EDARADD: variants seen among roughly 807,000 people sequenced by gnomAD.
The protein encoded by EDARADD is EDAR associated via death domain.
A neutral mutation model predicts 25.6 loss-of-function variants in EDARADD; 20 were observed. That is an observed-to-expected ratio of 0.78 (90% confidence interval 0.55 to 1.14). The LOEUF (loss-of-function observed/expected upper bound fraction) is 1.14. Among genes scored for constraint, EDARADD ranks in the 50% most tolerant of loss-of-function variants. EDARADD has a pLI of 0.00. For missense variants in EDARADD, 225 were observed against 270.1 expected (o/e 0.83, Z 1.17); for synonymous variants, 86 against 94.4 (o/e 0.91, Z 0.52).
At chr1:236,466,054 A>C (rs2103034361) in intron 4 of EDARADD, among the ~76,000 whole-genome samples, 1 of 152,318 alleles carries the variant, frequency 6.6e-6, no homozygotes, top group Middle Eastern at 3.4e-3. Flanking sequence ...AGTCAGGTTC[A>C]TGTTTTAGCA....
At position 236,398,564 on chromosome 1, in the gene EDARADD, C is replaced by T. The variant is rs1041872488; in HGVS notation, c.61+4059C>T. ...TTGCCTCACCTGACACCTAGCTTGA[C>T]CCCTGCTCTCTGCACGCAGCCGTGC... On this transcript the variant is annotated intron_variant, in intron 1 of 5. Transcript: ENST00000334232. This position sits in a 1 kb window ranked among gnomAD's most constrained non-coding sequence, Gnocchi z 4.1. Among the ~76,000 whole-genome samples, 2 of 152,218 alleles carry T rather than the reference C, an allele frequency of 1.3e-5. No homozygotes were observed. The highest frequency in any genetic ancestry group is 4.8e-5 in the African/African-American group (2 of 41,462).
intron 4 of EDARADD, among the ~76,000 whole-genome samples, chr1:236,432,408 T>C (rs1366587672): frequency 1.4e-5 from 2 of 139,684 alleles, no homozygotes; most frequent in Admixed American, 7.1e-5. Flanking sequence ...AAAAAAAAAA[T>C]TGGGTTCCAG....
intron 3 of EDARADD, among the ~76,000 whole-genome samples, chr1:236,366,057 C>G (rs1399442567): frequency 3.9e-5 from 6 of 152,130 alleles, no homozygotes; most frequent in African/African-American, 1.2e-4. Flanking sequence ...CTAAATGTAA[C>G]AGATATAACG....
At chr1:236,469,075 A>G (rs1366134489) in intron 5 of EDARADD, among the ~76,000 whole-genome samples, 1 of 152,076 alleles carries the variant, frequency 6.6e-6, no homozygotes, top group Non-Finnish European at 1.5e-5. Context: ...ATTAAAGTTC[A>G]TTTCTCCCCG....
intron 3 of EDARADD, among the ~76,000 whole-genome samples, chr1:236,422,749 C>T (rs533765159): frequency 2.2e-4 from 33 of 152,310 alleles, no homozygotes; most frequent in African/African-American, 7.5e-4. Flanking sequence ...GCACTATGGG[C>T]TCTGGTGAGG....
At chr1:236,366,067 G>T in intron 3 of EDARADD, among the ~76,000 whole-genome samples, 1 of 152,104 alleles carries the variant, frequency 6.6e-6, no homozygotes, top group South Asian at 2.1e-4. Flanking sequence ...CAGATATAAC[G>T]CTAACATCGG....
chr1:236,351,708 CAAAA>C (rs35576705), intron 3 of EDARADD, among the ~76,000 whole-genome samples: 7 of 123,360 alleles, frequency 5.7e-5, no homozygotes, highest in Non-Finnish European at 8.7e-5. Context: ...GACTCTGTCT[CAAAA>C]AAAAAAAAAA....
chr1:236,383,928 G>C (rs1230830756), intron 3 of EDARADD, among the ~76,000 whole-genome samples: 1 of 152,102 alleles, frequency 6.6e-6, no homozygotes, highest in South Asian at 2.1e-4. Flanking sequence ...CTTGAGCCCC[G>C]GTAGGTCGAG....
chr1:236,433,118 T>G (rs1459024586), intron 4 of EDARADD, among the ~76,000 whole-genome samples: 1 of 152,022 alleles, frequency 6.6e-6, no homozygotes, highest in Admixed American at 6.6e-5. Flanking sequence ...GATTCTAAAA[T>G]AAAAGCGTTA....
chr1:236,480,485 C>G (rs1659641577), intron 5 of EDARADD, among the ~76,000 whole-genome samples: 1 of 152,024 alleles, frequency 6.6e-6, no homozygotes, highest in East Asian at 1.9e-4. Flanking sequence ...GTTTTATTAC[C>G]TTTTAATTTC....
intron 3 of EDARADD, among the ~76,000 whole-genome samples, chr1:236,418,431 A>C (rs1395686929): frequency 6.7e-6 from 1 of 150,340 alleles, no homozygotes; most frequent in Non-Finnish European, 1.5e-5. Context: ...TTTTAGTAGA[A>C]ATGGGGTTTC....
At chr1:236,452,869 G>A (rs1268509601) in intron 4 of EDARADD, among the ~76,000 whole-genome samples, 1 of 152,086 alleles carries the variant, frequency 6.6e-6, no homozygotes, top group African/African-American at 2.4e-5. Context: ...TCCTCCTATA[G>A]GATGTCCCAT....
chr1:236,419,659 G>T (rs1657729950), intron 3 of EDARADD, among the ~76,000 whole-genome samples: 1 of 152,152 alleles, frequency 6.6e-6, no homozygotes, highest in Admixed American at 6.5e-5. Context: ...TGACTGACAG[G>T]CAGGAGAGCT....
upstream of EDARADD, among the ~76,000 whole-genome samples, chr1:236,389,732 G>A (rs1268674942): frequency 6.6e-6 from 1 of 152,268 alleles, no homozygotes; most frequent in African/African-American, 2.4e-5. Flanking sequence ...ACTAGGCATG[G>A]TGGCCCACAC....
At chr1:236,427,084 G>T (rs1364432846) in intron 3 of EDARADD, among the ~76,000 whole-genome samples, 1 of 152,136 alleles carries the variant, frequency 6.6e-6, no homozygotes, top group Non-Finnish European at 1.5e-5. Flanking sequence ...GTTTCTCCAT[G>T]TTGGTCAGGC....
rs146504786 is a variant in EDARADD at position 236,419,301 on chromosome 1, G to A, written c.160+5002G>A. 6.4e-3 allele frequency among the ~76,000 whole-genome samples: 971 copies of A among 152,262 alleles called. 9 individuals carry two copies. The highest frequency in any genetic ancestry group is 0.011 in the Non-Finnish European group (777 of 68,014). On this transcript the variant is annotated intron_variant, in intron 3 of 5. Coordinates refer to ENST00000334232, the MANE Select transcript of EDARADD (RefSeq NM_145861.4). The stretch of plus-strand genomic sequence containing the variant: ...CCCAGCTACGTGGGAGGCTTAGGCT[G>A]GAGGATCGTTTGAGCCTGGGAGTTC...
chr1:236,470,312 CAT>C (rs889081823), intron 5 of EDARADD, among the ~76,000 whole-genome samples: 1 of 152,104 alleles, frequency 6.6e-6, no homozygotes, highest in Non-Finnish European at 1.5e-5. Flanking sequence ...TAATTTTTTC[CAT>C]ATGCTCATCT....
chr1:236,454,935 T>G (rs1253617), intron 4 of EDARADD, among the ~76,000 whole-genome samples: 53,969 of 152,066 alleles, frequency 0.35, 9,803 homozygotes, highest in East Asian at 0.45. Flanking sequence ...GGAAAGGCCG[T>G]GTGTGGTGGC....
intron 3 of EDARADD, among the ~76,000 whole-genome samples, chr1:236,423,881 A>C (rs1307539989): frequency 2.0e-5 from 3 of 152,102 alleles, no homozygotes; most frequent in Non-Finnish European, 4.4e-5. Context: ...CGAGGTGGGC[A>C]GATCACTTGA....
Sources: gnomAD v4.1 joint callset for allele counts (sites outside exome capture counted in the v4.1 genomes callset) on GRCh38, gnomAD v4.1.1 for gene constraint, Gnocchi (gnomAD v3.1) non-coding constraint, MANE v1.5 for transcripts, NCBI Gene and HGNC (gene_info 2026-07-23, HGNC 2026-07-21) for gene names.